Variants in SLC6A15 observed in about 807,000 individuals in gnomAD.
The protein encoded by SLC6A15 is sodium-dependent neutral amino acid transporter B(0)AT2.
SLC6A15 carries 33 observed loss-of-function variants against 68.5 expected under a neutral mutation model. That is an observed-to-expected ratio of 0.48 (90% confidence interval 0.37 to 0.64). The LOEUF is 0.64. Among genes scored for constraint, SLC6A15 ranks in the 30% least tolerant of loss-of-function variants. The probability of loss-of-function intolerance (pLI) is 0.00; values close to 1 mark genes in which losing one functional copy is unlikely to be tolerated. For missense variants in SLC6A15, 747 were observed against 874.3 expected, an observed-to-expected ratio of 0.85 and a Z score of 1.84; for synonymous variants, 347 against 301.0, an observed-to-expected ratio of 1.15 and a Z score of -1.58.
chr12:84,883,229 T>C, intron 5 of SLC6A15: 1 of 984,376 alleles, frequency 1.0e-6, no homozygotes, highest in Non-Finnish European at 1.2e-6. Flanking sequence ...TTAAAAATAA[T>C]AACAAACAAG....
At chr12:84,890,517 A>C (rs924404483) in intron 2 of SLC6A15, among the ~76,000 whole-genome samples, 3 of 152,204 alleles carry the variant, frequency 2.0e-5, no homozygotes, top group Admixed American at 2.0e-4. Context: ...TAAATAATTC[A>C]TGTGTGAGGT....
At chr12:84,878,357 T>C (rs1321483631) in intron 5 of SLC6A15, among the ~76,000 whole-genome samples, 1 of 152,230 alleles carries the variant, frequency 6.6e-6, no homozygotes, top group Admixed American at 6.5e-5. Context: ...CCCTGCGTAC[T>C]TTTGGCATTC....
At chr12:84,862,270 C>T (rs774473108) in intron 11 of SLC6A15, among the ~76,000 whole-genome samples, 2 of 152,072 alleles carry the variant, frequency 1.3e-5, no homozygotes, top group African/African-American at 4.8e-5. Flanking sequence ...AAAGAGAGAG[C>T]CCAGCTCTCC....
At position 84,882,896 on chromosome 12, in the gene SLC6A15, A is replaced by G. The variant is rs1871887920; in HGVS notation, c.756+963T>C. ...CTGTTCTTACCCTAATTCTTGTCAGAAACATCTTTATCATCATTTATTATT... is the reference window on the plus strand; with the variant it reads ...CTGTTCTTACCCTAATTCTTGTCAGGAACATCTTTATCATCATTTATTATT... On this transcript the variant is annotated intron_variant, in intron 5 of 11. Transcript: ENST00000266682. 6.2e-6 allele frequency: 4 copies of G among 640,402 alleles called. No homozygotes were observed. In the South Asian group the frequency reaches 2.8e-4, roughly 45 times the overall value. The allele number at this position is 640,402 out of a possible 1,614,324, so 39.7% of individuals were successfully genotyped here.
chr12:84,901,273 T>G (rs1201671480), intron 1 of SLC6A15, among the ~76,000 whole-genome samples: 1 of 151,716 alleles, frequency 6.6e-6, no homozygotes, highest in East Asian at 1.9e-4. Flanking sequence ...AATTAAAAAT[T>G]CAATTCATTT....
At chr12:84,880,807 T>A in intron 5 of SLC6A15, 1 of 603,772 alleles carries the variant, frequency 1.7e-6, no homozygotes. Context: ...AACATTTTCA[T>A]TTTACTAAAG....
chr12:84,903,246 T>C (rs1262163257), intron 1 of SLC6A15, among the ~76,000 whole-genome samples: 1 of 152,118 alleles, frequency 6.6e-6, no homozygotes, highest in Non-Finnish European at 1.5e-5. Flanking sequence ...AGACAAAAAG[T>C]TTTTAAGACA....
intron 1 of SLC6A15, among the ~76,000 whole-genome samples, chr12:84,910,918 G>C (rs893208762): frequency 3.0e-5 from 4 of 134,338 alleles, no homozygotes; most frequent in African/African-American, 1.5e-4. Flanking sequence ...CTGTTGAGCC[G>C]CCCTCTTTCC....
In SLC6A15 at chr12:84,904,224, G is replaced by GGAGAGAGAGAGAGAGAGAGAGAGAGAGA. The variant is rs370457657; in HGVS notation, c.-189+8298_-189+8299insTCTCTCTCTCTCTCTCTCTCTCTCTCTC. On this transcript the variant is annotated intron_variant, in intron 1 of 11. Coordinates refer to ENST00000266682, the MANE Select transcript of SLC6A15 (RefSeq NM_182767.6). ...AGAGAAAGGGGGGAGGGGCGGAGGG[G>GGAGAGAGAGAGAGAGAGAGAGAGAGAGA]GAGAGAGAGAGAGAGAGAGAGAGAG... 3.3e-4 allele frequency among the ~76,000 whole-genome samples: 40 copies of GGAGAGAGAGAGAGAGAGAGAGAGAGAGA among 122,004 alleles called. 1 individual carries two copies. Among genetic ancestry groups the GGAGAGAGAGAGAGAGAGAGAGAGAGAGA allele is most frequent in the African/African-American group, 1.3e-3 (35 of 27,956 alleles). 80.0% of individuals were successfully genotyped at this position (122,004 alleles called of 152,430 possible).
At chr12:84,879,277 C>T (rs1222093857) in intron 5 of SLC6A15, among the ~76,000 whole-genome samples, 1 of 151,870 alleles carries the variant, frequency 6.6e-6, no homozygotes, top group Admixed American at 6.6e-5. Context: ...CCCCGTGAAG[C>T]CTTCTTGCAA....
rs143944575 is a variant in SLC6A15 at position 84,871,775 on chromosome 12, G to A, written c.1302+827C>T. Among the ~76,000 whole-genome samples, 5 of 151,870 alleles carry A rather than the reference G, an allele frequency of 3.3e-5. No homozygotes were observed. The South Asian group carries it at 6.2e-4, about 19-fold the overall frequency. ...ATTTCTCCATTATATTTTCCTTTTC[G>A]ACATACAGGAGACAGTGGCAGCCAA... is the stretch of plus-strand genomic sequence containing the variant. On this transcript the variant is annotated intron_variant, in intron 8 of 11. Transcript: ENST00000266682.
chr12:84,884,695 T>C (rs1872002479), intron 4 of SLC6A15, among the ~76,000 whole-genome samples: 1 of 152,162 alleles, frequency 6.6e-6, no homozygotes, highest in African/African-American at 2.4e-5. Flanking sequence ...CATTGTCAAA[T>C]ATGCTAGCTG....
intron 10 of SLC6A15, among the ~76,000 whole-genome samples, chr12:84,865,503 G>T (rs1294465757): frequency 1.3e-5 from 2 of 152,172 alleles, no homozygotes; most frequent in Admixed American, 1.3e-4. Context: ...GGAATTCACT[G>T]TTTGTGTAGT....
At chr12:84,865,836 C>T (rs1389936149) in intron 10 of SLC6A15, among the ~76,000 whole-genome samples, 2 of 152,120 alleles carry the variant, frequency 1.3e-5, no homozygotes, top group Non-Finnish European at 2.9e-5. Flanking sequence ...CATTTACCTA[C>T]TAAAGGATAT....
chr12:84,891,426 A>T lies in SLC6A15; in HGVS notation c.289+406T>A, dbSNP rs554529897. Among the ~76,000 whole-genome samples, 12 of 152,328 alleles carry T rather than the reference A, an allele frequency of 7.9e-5. No individual in the cohort carries two copies. In the East Asian group the frequency reaches 2.3e-3, roughly 29 times the overall value. On this transcript the variant is annotated intron_variant, in intron 2 of 11. Transcript: ENST00000266682. ...TTGAAGAATGAGGCAACTTAAAATTAAGAATTAATAAATCACGGAGAGAAA... is the reference window on the plus strand; with the variant it reads ...TTGAAGAATGAGGCAACTTAAAATTTAGAATTAATAAATCACGGAGAGAAA...
intron 1 of SLC6A15, among the ~76,000 whole-genome samples, chr12:84,910,923 C>T (rs1446197689): frequency 1.5e-5 from 2 of 131,640 alleles, no homozygotes; most frequent in African/African-American, 7.7e-5. Flanking sequence ...GAGCCGCCCT[C>T]TTTCCGTGTG....
intron 1 of SLC6A15, among the ~76,000 whole-genome samples, chr12:84,896,020 A>G (rs1179189731): frequency 2.6e-5 from 4 of 152,204 alleles, no homozygotes; most frequent in Non-Finnish European, 5.9e-5. Flanking sequence ...ATAGAGTGAT[A>G]AAGTATCAGT....
Position 84,876,612 on chromosome 12 carries a change from A to G in SLC6A15, c.757-5T>C, listed in dbSNP as rs779837801. The G allele has an allele frequency of 1.4e-6, 2 of 1,380,060 alleles. No individual in the cohort carries two copies. The highest frequency in any genetic ancestry group is 1.3e-5 in the South Asian group (1 of 76,330). 85.5% of individuals were successfully genotyped at this position (1,380,060 alleles called of 1,614,324 possible). ...CAGAGAACTAAAATATATGATCTGC[A>G]AAGAAATAAAAATAAAAATAAGTGA... On this transcript the variant is annotated splice_polypyrimidine_tract_variant and splice_region_variant and intron_variant, in intron 5 of 11. Transcript: ENST00000266682.
chr12:84,905,658 A>G (rs1045357898), intron 1 of SLC6A15, among the ~76,000 whole-genome samples: 4 of 152,220 alleles, frequency 2.6e-5, no homozygotes, highest in African/African-American at 9.6e-5. Flanking sequence ...CAAGTCCCAC[A>G]TTCATCTGTG....
Sources: gnomAD v4.1 joint callset for allele counts (sites outside exome capture counted in the v4.1 genomes callset) on GRCh38, gnomAD v4.1.1 for gene constraint, MANE v1.5 for transcripts, NCBI Gene and HGNC (gene_info 2026-07-23, HGNC 2026-07-21) for gene names.